Variants in ANK3 observed in about 807,000 individuals in gnomAD.
ANK3 encodes the protein ankyrin 3.
Under a neutral mutation model 370.9 loss-of-function variants are expected in ANK3, and 57 were observed. The observed-to-expected ratio is 0.15, with a 90% CI of 0.12 to 0.19. The LOEUF (loss-of-function observed/expected upper bound fraction) is 0.19, where lower values mean the gene tolerates loss of function less well. ANK3 is among the 10% of genes least tolerant of loss of function. The pLI is 1.00. For missense variants in ANK3, 4,439 were observed against 5,302.1 expected (o/e 0.84, Z 5.06); for synonymous variants, 1,929 against 1,946.3 (o/e 0.99, Z 0.23).
At chr10:60,246,255 CAAAAAAAAAAAAAAAA>C (rs869144298) in intron 7 of ANK3, among the ~76,000 whole-genome samples, 2 of 92,706 alleles carry the variant, frequency 2.2e-5, no homozygotes, top group African/African-American at 4.7e-5. Flanking sequence ...AACCCTGTAT[CAAAAAAAAAAAAAAAA>C]AAAAAAAAAA....
intron 1 of ANK3, among the ~76,000 whole-genome samples, chr10:60,358,646 T>C (rs1348461654): frequency 6.6e-6 from 1 of 152,224 alleles, no homozygotes; most frequent in East Asian, 1.9e-4. Context: ...CCTACTTGTA[T>C]ATCTGACTGA....
rs778664446 is a variant in ANK3, at chr10:60,068,652, T to G, written c.12229A>C (p.Ser4077Arg). The change falls in exon 37 of 44, where the codon AGC (serine) becomes CGC (arginine). Residue 4077 changes from serine to arginine, a missense_variant. This residue lies in a region of ANK3 where 99 missense variants were observed against 150.7 expected (regional missense o/e 0.66). Transcript: ENST00000280772. ...TCATTCTCACCAGTCCTTCTACTGC[T>G]CCTTTTCTCACTGCCGGCCTTTTCA... ...KSEKAGSEKR[S>R]SRRTGPQSPC... 1.9e-6 allele frequency: 3 copies of G among 1,609,028 alleles called. No homozygotes were observed. In the African/African-American group the frequency reaches 4.0e-5, roughly 22 times the overall value.
Position 60,107,905 on chromosome 10 carries a change from A to T in ANK3, c.3173+925T>A, listed in dbSNP as rs189554427. Among the ~76,000 whole-genome samples, 415 of 152,332 alleles carry T rather than the reference A, an allele frequency of 2.7e-3. 2 individuals are homozygous for T. Among genetic ancestry groups the T allele is most frequent in the African/African-American group, 9.5e-3 (396 of 41,558 alleles). Reference sequence around the variant, plus strand: ...TATCATATTCAGAAGAAACATTTCAAATAAAAGAAAGGTTTACAAAAGCAC... The same window carrying T: ...TATCATATTCAGAAGAAACATTTCATATAAAAGAAAGGTTTACAAAAGCAC... On this transcript the variant is annotated intron_variant, in intron 27 of 43. Transcript: ENST00000280772.
At chr10:60,355,635 C>T (rs2057609373) in intron 1 of ANK3, among the ~76,000 whole-genome samples, 1 of 152,226 alleles carries the variant, frequency 6.6e-6, no homozygotes, top group South Asian at 2.1e-4. Context: ...TTCTAACCTA[C>T]TCACAAAAGA....
chr10:60,176,201 A>G (rs866689536), intron 18 of ANK3, among the ~76,000 whole-genome samples: 2 of 150,634 alleles, frequency 1.3e-5, no homozygotes, highest in Non-Finnish European at 3.0e-5. Flanking sequence ...AAAAACAAAA[A>G]AAAACAAAAA....
At chr10:60,320,436 A>G (rs1421510133) in intron 1 of ANK3, among the ~76,000 whole-genome samples, 1 of 152,214 alleles carries the variant, frequency 6.6e-6, no homozygotes, top group African/African-American at 2.4e-5. Flanking sequence ...TCTACTAAAA[A>G]TACAAAAAAT....
intron 7 of ANK3, among the ~76,000 whole-genome samples, chr10:60,258,563 C>A (rs913428793): frequency 7.2e-5 from 11 of 152,182 alleles, no homozygotes; most frequent in Non-Finnish European, 1.6e-4. Flanking sequence ...ATACAGAAAG[C>A]AATTCCTTCT....
At chr10:60,139,656 A>C (rs1447177532) in intron 23 of ANK3, 3 of 153,166 alleles carry the variant, frequency 2.0e-5, no homozygotes, top group Non-Finnish European at 2.9e-5. Context: ...AATGCTTCTA[A>C]ACCTATCAAA....
chr10:60,259,873 C>T (rs1566053012), intron 7 of ANK3, among the ~76,000 whole-genome samples: 1 of 152,158 alleles, frequency 6.6e-6, no homozygotes, highest in Non-Finnish European at 1.5e-5. Context: ...CACTGACATA[C>T]CCTGTTTATA....
At chr10:60,695,223 C>A (rs576902032) in intron 1 of ANK3, among the ~76,000 whole-genome samples, 1 of 152,104 alleles carries the variant, frequency 6.6e-6, no homozygotes, top group East Asian at 1.9e-4. Flanking sequence ...TATATGCACC[C>A]AATACAGGAG....
At chr10:60,276,544 G>A (rs570460672) in intron 4 of ANK3, among the ~76,000 whole-genome samples, 3 of 152,290 alleles carry the variant, frequency 2.0e-5, no homozygotes, top group South Asian at 2.1e-4. Context: ...ATGTGTGGCT[G>A]GTAATTCCGA....
At chr10:60,363,193 C>G (rs2058888815) in intron 1 of ANK3, among the ~76,000 whole-genome samples, 2 of 152,134 alleles carry the variant, frequency 1.3e-5, no homozygotes, top group South Asian at 4.1e-4. Flanking sequence ...GATAAAGGCA[C>G]TGAATAGCTG....
At chr10:60,596,599 C>G (rs1045647335) in intron 2 of ANK3, among the ~76,000 whole-genome samples, 2 of 152,086 alleles carry the variant, frequency 1.3e-5, no homozygotes, top group Admixed American at 1.3e-4. Context: ...CCACTGGATA[C>G]TTTAATGGTC....
intron 42 of ANK3, among the ~76,000 whole-genome samples, chr10:60,048,602 A>G (rs2077329374): frequency 6.6e-6 from 1 of 152,190 alleles, no homozygotes; most frequent in South Asian, 2.1e-4. Flanking sequence ...TCACCTCTAG[A>G]TAACTTATAA....
chr10:60,053,720 C>A, intron 42 of ANK3: 2 of 1,303,826 alleles, frequency 1.5e-6, no homozygotes, highest in Non-Finnish European at 2.0e-6. Context: ...CGCACCCGGA[C>A]TTTTGACCTG....
At chr10:60,635,871 G>A (rs1467497300) in intron 1 of ANK3, among the ~76,000 whole-genome samples, 5 of 152,096 alleles carry the variant, frequency 3.3e-5, no homozygotes, top group Non-Finnish European at 7.4e-5. Flanking sequence ...ATAGACAAAG[G>A]CCAGGGATGT....
intron 5 of ANK3, among the ~76,000 whole-genome samples, chr10:60,268,057 G>A (rs546378134): frequency 1.3e-5 from 2 of 152,106 alleles, no homozygotes; most frequent in Admixed American, 6.5e-5. Flanking sequence ...GGAGTGTAGC[G>A]ACTACTCACA....
chr10:60,244,951 T>C (rs894624523), intron 7 of ANK3, among the ~76,000 whole-genome samples: 1 of 151,972 alleles, frequency 6.6e-6, no homozygotes, highest in South Asian at 2.1e-4. Flanking sequence ...GGGCGGATCA[T>C]GAGGTCAGGA....
At position 60,401,381 on chromosome 10, in the gene ANK3, T is replaced by C. The variant is rs145532379; in HGVS notation, c.97-121742A>G. ...AATTTTGTTAAGAGTGCAAAGATCATGTTAAGTGTTCTTAACCACAATAAA... is the reference window on the plus strand; with the variant it reads ...AATTTTGTTAAGAGTGCAAAGATCACGTTAAGTGTTCTTAACCACAATAAA... On this transcript the variant is annotated intron_variant, in intron 2 of 43. Transcript: ENST00000373827. 2.4e-3 allele frequency among the ~76,000 whole-genome samples: 371 copies of C among 152,348 alleles called. 2 individuals carry two copies. Among genetic ancestry groups the C allele is most frequent in the Middle Eastern group, 0.02 (6 of 294 alleles).
Sources: allele counts gnomAD v4.1 joint callset (sites outside exome capture counted in the v4.1 genomes callset), GRCh38; gene constraint gnomAD v4.1.1; regional missense constraint gnomAD v4.1.1; transcripts MANE v1.5; gene names NCBI Gene and HGNC (gene_info 2026-07-23, HGNC 2026-07-21).